The following GPC5 variants were observed in gnomAD, a reference collection of about 807,000 sequenced individuals.
GPC5 encodes the protein glypican 5, also known as glypican-5.
Under a neutral mutation model 53.9 loss-of-function variants are expected in GPC5, and 47 were observed. The ratio of observed to expected loss-of-function variants is 0.87; its 90% CI spans 0.69 to 1.11. The LOEUF (loss-of-function observed/expected upper bound fraction) is 1.11, where lower values mean the gene tolerates loss of function less well. Among genes scored for constraint, GPC5 ranks in the 50% most tolerant of loss-of-function variants. The pLI is 0.00. For synonymous variants in GPC5, 286 were observed against 263.3 expected (o/e 1.09, Z -0.84); for missense variants, 748 against 713.1 (o/e 1.05, Z -0.56).
chr13:91,570,562 C>T (rs2031736696), intron 2 of GPC5, among the ~76,000 whole-genome samples: 1 of 152,108 alleles, frequency 6.6e-6, no homozygotes, highest in African/African-American at 2.4e-5. Context: ...ATCCACTTAC[C>T]TATCTTACAA....
At chr13:92,761,728 T>G (rs1462415362) in intron 7 of GPC5, among the ~76,000 whole-genome samples, 3 of 152,328 alleles carry the variant, frequency 2.0e-5, no homozygotes, top group South Asian at 2.1e-4. Flanking sequence ...TAATTATTGA[T>G]AGATAAGGGC....
intron 7 of GPC5, among the ~76,000 whole-genome samples, chr13:92,225,839 C>G (rs2042481955): frequency 6.6e-6 from 1 of 151,898 alleles, no homozygotes; most frequent in African/African-American, 2.4e-5. Flanking sequence ...TCCACTCTAA[C>G]TGGTAACTAT....
At chr13:91,576,610 C>T (rs1729424428) in intron 2 of GPC5, among the ~76,000 whole-genome samples, 1 of 152,098 alleles carries the variant, frequency 6.6e-6, no homozygotes, top group South Asian at 2.1e-4. Flanking sequence ...TTAACACATG[C>T]AGAGATTAGC....
intron 6 of GPC5, among the ~76,000 whole-genome samples, chr13:92,078,641 C>G (rs2041271177): frequency 6.6e-6 from 1 of 152,112 alleles, no homozygotes; most frequent in Admixed American, 6.5e-5. Context: ...TCCAATATCT[C>G]TCTTTTATAT....
intron 5 of GPC5, among the ~76,000 whole-genome samples, chr13:91,885,573 T>C (rs1292695471): frequency 1.3e-5 from 2 of 152,208 alleles, no homozygotes; most frequent in African/African-American, 2.4e-5. Context: ...CTGTGGTCTC[T>C]GGCATACCCA....
At chr13:91,925,428 A>C (rs2039757485) in intron 6 of GPC5, among the ~76,000 whole-genome samples, 1 of 152,096 alleles carries the variant, frequency 6.6e-6, no homozygotes, top group Non-Finnish European at 1.5e-5. Context: ...TGTTTCATTC[A>C]CTCATCCTTC....
At chr13:92,190,266 T>G (rs1055392907) in intron 7 of GPC5, among the ~76,000 whole-genome samples, 13 of 152,150 alleles carry the variant, frequency 8.5e-5, no homozygotes, top group African/African-American at 3.1e-4. Flanking sequence ...AAGAAACACT[T>G]TCTTAGACAA....
chr13:92,519,063 C>T (rs973526594), intron 7 of GPC5, among the ~76,000 whole-genome samples: 1 of 152,186 alleles, frequency 6.6e-6, no homozygotes, highest in African/African-American at 2.4e-5. Context: ...GGAATCAATT[C>T]AACAAGAAGA....
intron 2 of GPC5, among the ~76,000 whole-genome samples, chr13:91,541,725 A>G (rs1427739818): frequency 1.3e-5 from 2 of 152,022 alleles, no homozygotes; most frequent in Admixed American, 6.6e-5. Flanking sequence ...TTTTTCAAAA[A>G]CTGCAGTTCT....
At chr13:92,064,548 G>A (rs1052165594) in intron 6 of GPC5, among the ~76,000 whole-genome samples, 1 of 152,044 alleles carries the variant, frequency 6.6e-6, no homozygotes, top group Admixed American at 6.6e-5. Flanking sequence ...ACAAGGGCAG[G>A]GTTTCGAGAC....
intron 7 of GPC5, among the ~76,000 whole-genome samples, chr13:92,630,973 A>G (rs1332842786): frequency 6.6e-6 from 1 of 152,134 alleles, no homozygotes; most frequent in Admixed American, 6.5e-5. Flanking sequence ...ACCATTCCAG[A>G]TAAGTAATAG....
chr13:91,410,939 TCTC>T (rs1235530515), intron 1 of GPC5, among the ~76,000 whole-genome samples: 4 of 151,870 alleles, frequency 2.6e-5, no homozygotes, highest in African/African-American at 9.7e-5. Context: ...TGAAACCCCG[TCTC>T]TACCAAAAAT....
chr13:91,969,766 C>T (rs955265592), intron 6 of GPC5, among the ~76,000 whole-genome samples: 1 of 152,100 alleles, frequency 6.6e-6, no homozygotes, highest in African/African-American at 2.4e-5. Flanking sequence ...TGAAAAGGTG[C>T]TCAACATCAA....
At chr13:92,130,155 A>C (rs2041731384) in intron 6 of GPC5, among the ~76,000 whole-genome samples, 2 of 152,102 alleles carry the variant, frequency 1.3e-5, no homozygotes, top group Non-Finnish European at 2.9e-5. Flanking sequence ...TTGCCAGTCT[A>C]AAATTTAATA....
At chr13:91,504,950 C>G (rs1488537302) in intron 2 of GPC5, among the ~76,000 whole-genome samples, 2 of 152,082 alleles carry the variant, frequency 1.3e-5, no homozygotes, top group African/African-American at 4.8e-5. Context: ...GAGACTGTCT[C>G]TGTAAAACAA....
chr13:92,726,605 T>A (rs1247134326), intron 7 of GPC5, among the ~76,000 whole-genome samples: 1 of 151,620 alleles, frequency 6.6e-6, no homozygotes, highest in Non-Finnish European at 1.5e-5. Flanking sequence ...AAAATTTAAC[T>A]GTTTATTCCA....
chr13:92,076,099 G>A (rs1325205907), intron 6 of GPC5, among the ~76,000 whole-genome samples: 1 of 148,436 alleles, frequency 6.7e-6, no homozygotes, highest in African/African-American at 2.5e-5. Flanking sequence ...TTTTTGAGAC[G>A]GAGTCTCGCT....
chr13:92,396,855 A>G (rs959171296), intron 7 of GPC5, among the ~76,000 whole-genome samples: 1 of 152,184 alleles, frequency 6.6e-6, no homozygotes, highest in Non-Finnish European at 1.5e-5. Context: ...TGAGACAGGA[A>G]GGTTTGAATA....
At chr13:92,239,418 C>A (rs1311847034) in intron 7 of GPC5, among the ~76,000 whole-genome samples, 5 of 151,800 alleles carry the variant, frequency 3.3e-5, no homozygotes, top group African/African-American at 9.7e-5. Context: ...CAGTGAATAC[C>A]CGCACAATTC....
Sources: gnomAD v4.1 joint callset for allele counts (sites outside exome capture counted in the v4.1 genomes callset) on GRCh38, gnomAD v4.1.1 for gene constraint, MANE v1.5 for transcripts, NCBI Gene and HGNC (gene_info 2026-07-23, HGNC 2026-07-21) for gene names.